Variants in MYBPC1 observed in about 807,000 individuals in gnomAD.
MYBPC1 encodes the protein myosin binding protein C1.
A neutral mutation model predicts 147.1 loss-of-function variants in MYBPC1; 52 were observed. That is an observed-to-expected ratio of 0.35 (90% CI 0.28 to 0.45). MYBPC1 has a LOEUF of 0.45. Among genes scored for constraint, MYBPC1 ranks in the 20% least tolerant of loss-of-function variants. The probability of loss-of-function intolerance (pLI) is 1.00; values close to 1 mark genes in which losing one functional copy is unlikely to be tolerated. For missense variants in MYBPC1, 1,228 were observed against 1,440.3 expected, an observed-to-expected ratio of 0.85 and a Z score of 2.39; for synonymous variants, 477 against 475.9, an observed-to-expected ratio of 1.00 and a Z score of -0.03.
chr12:101,608,039 T>C (rs1020430543), intron 1 of MYBPC1, among the ~76,000 whole-genome samples: 1 of 152,202 alleles, frequency 6.6e-6, no homozygotes, highest in African/African-American at 2.4e-5. Flanking sequence ...CCAGTGCCCG[T>C]CAATTAGAAT....
At chr12:101,599,960 T>C (rs1031010011) in intron 1 of MYBPC1, among the ~76,000 whole-genome samples, 1 of 152,224 alleles carries the variant, frequency 6.6e-6, no homozygotes, top group Non-Finnish European at 1.5e-5. Context: ...TTCAGTAGCC[T>C]GCTTTTATGA....
At chr12:101,639,754 G>C (rs1223366584) in intron 10 of MYBPC1, among the ~76,000 whole-genome samples, 1 of 152,076 alleles carries the variant, frequency 6.6e-6, no homozygotes, top group African/African-American at 2.4e-5. Flanking sequence ...TCAGTGACTT[G>C]TGCCTCTTGT....
chr12:101,636,338 C>T (rs143105362), intron 9 of MYBPC1, among the ~76,000 whole-genome samples: 2 of 152,296 alleles, frequency 1.3e-5, no homozygotes, highest in East Asian at 3.9e-4. Flanking sequence ...TCTACAGCCC[C>T]CAACTTGCAA....
downstream of MYBPC1, among the ~76,000 whole-genome samples, chr12:101,690,105 G>T (rs991594927): frequency 1.3e-5 from 2 of 152,148 alleles, no homozygotes; most frequent in African/African-American, 4.8e-5. Flanking sequence ...AACCCGGGAG[G>T]CGGAGTTTGC....
intron 23 of MYBPC1, 79 bp from the exon 24 acceptor site, chr12:101,670,242 A>G (rs1420550157): frequency 1.8e-5 from 20 of 1,090,330 alleles, no homozygotes; most frequent in Non-Finnish European, 2.6e-5. Flanking sequence ...GCTGGTGAGC[A>G]TCATGCCATT....
intron 1 of MYBPC1, among the ~76,000 whole-genome samples, chr12:101,595,446 T>A (rs1325544169): frequency 6.6e-6 from 1 of 152,184 alleles, no homozygotes; most frequent in East Asian, 1.9e-4. Context: ...AATCACAAAT[T>A]TTTTACCATG....
chr12:101,659,780 C>A lies in MYBPC1; in HGVS notation c.1876C>A (p.Leu626Met). ...TGACTCTGGTGTTTACCACATCAAT[C>A]TGAAAAACGAAGCTGGAGAGGCACA... ...RDDSGVYHIN[L>M]KNEAGEAHAS... Residue 626 changes from leucine to methionine, a missense_variant, in exon 19 of 32, where the codon CTG becomes ATG. Physicochemically the swap from Leu to Met is conservative, Grantham distance 15 (BLOSUM62 2). Transcript: ENST00000361466. The A allele has an allele frequency of 6.2e-7, 1 of 1,614,132 alleles. No individual in the cohort carries two copies. Among genetic ancestry groups the A allele is most frequent in the Non-Finnish European group, 8.5e-7 (1 of 1,179,998 alleles).
chr12:101,690,359 A>G (rs1345842468), downstream of MYBPC1, among the ~76,000 whole-genome samples: 1 of 152,176 alleles, frequency 6.6e-6, no homozygotes, highest in African/African-American at 2.4e-5. Flanking sequence ...GCTGTCCCAG[A>G]GGAAAAACAT....
At chr12:101,595,763 C>T (rs1876989629) in intron 1 of MYBPC1, among the ~76,000 whole-genome samples, 1 of 151,984 alleles carries the variant, frequency 6.6e-6, no homozygotes, top group Non-Finnish European at 1.5e-5. Context: ...ATGTAGTAGG[C>T]TTTAAGAATA....
intron 1 of MYBPC1, among the ~76,000 whole-genome samples, chr12:101,607,911 T>A (rs756682003): frequency 6.6e-6 from 1 of 152,196 alleles, no homozygotes; most frequent in Admixed American, 6.5e-5. Context: ...CCTTGATCAT[T>A]GAAAATAGAA....
chr12:101,637,960 C>A (rs1891326762), intron 10 of MYBPC1, among the ~76,000 whole-genome samples: 1 of 152,134 alleles, frequency 6.6e-6, no homozygotes, highest in Non-Finnish European at 1.5e-5. Context: ...ATATGAAGTG[C>A]CCTTAAGTGA....
At chr12:101,626,481 C>G (rs1226560760) in intron 3 of MYBPC1, among the ~76,000 whole-genome samples, 2 of 152,122 alleles carry the variant, frequency 1.3e-5, no homozygotes, top group Non-Finnish European at 2.9e-5. Flanking sequence ...TGTGTCCAAA[C>G]GAATGTGATA....
chr12:101,614,464 C>A, intron 1 of MYBPC1, 32 bp from the exon 2 acceptor site: 2 of 1,613,308 alleles, frequency 1.2e-6, no homozygotes, highest in Non-Finnish European at 1.7e-6. Flanking sequence ...GATAAATGAG[C>A]CTGACATTTC....
chr12:101,649,284 C>A lies in MYBPC1; in HGVS notation c.1221C>A (p.Ile407=), dbSNP rs753197476. The A allele has an allele frequency of 9.3e-6, 15 of 1,613,580 alleles. No individual in the cohort carries two copies. The highest frequency in any genetic ancestry group is 1.1e-5 in the Non-Finnish European group (13 of 1,179,652). ...GGTTTAAGAATGGTGAAGAGATTATCCCTGGTCCAAAATCAAGATACCGAA... is the reference window on the plus strand; with the variant it reads ...GGTTTAAGAATGGTGAAGAGATTATACCTGGTCCAAAATCAAGATACCGAA... ...VKWFKNGEEI[I]PGPKSRYRIR... is the part of the protein sequence containing the mutation. Residue 407 remains isoleucine (I), a synonymous_variant, in exon 15 of 32, where the codon ATC becomes ATA. Transcript: ENST00000361466.
chr12:101,693,000 G>A, the MYBPC1 span, among the ~76,000 whole-genome samples: 1 of 146,482 alleles, frequency 6.8e-6, no homozygotes, highest in East Asian at 2.1e-4. Flanking sequence ...AGGCTAGAGT[G>A]CAGTGGCGCG....
intron 12 of MYBPC1, 61 bp downstream of exon 12, chr12:101,644,857 G>T (rs1490930977): frequency 1.4e-6 from 2 of 1,478,572 alleles, no homozygotes; most frequent in South Asian, 1.2e-5. Flanking sequence ...ATAGTAGTTC[G>T]ACTGACTTTT....
rs992143178 is a variant in MYBPC1 at position 101,614,477 on chromosome 12, T to C, written c.26-19T>C. 6.2e-7 allele frequency: 1 copy of C among 1,613,716 alleles called. No individual in the cohort carries two copies. Among genetic ancestry groups the C allele is most frequent in the African/African-American group, 1.3e-5 (1 of 74,914 alleles). Reference sequence around the variant, plus strand: ...GTGATAAATGAGCCTGACATTTCCATGACTCTTTCCATTTCTAGAAAATGA... The same window carrying C: ...GTGATAAATGAGCCTGACATTTCCACGACTCTTTCCATTTCTAGAAAATGA... On this transcript the variant is annotated intron_variant, in intron 1 of 31. Transcript: ENST00000361466.
chr12:101,667,615 C>G, intron 22 of MYBPC1, 117 bp from the exon 23 acceptor site: 1 of 1,216,736 alleles, frequency 8.2e-7, no homozygotes, highest in Non-Finnish European at 1.2e-6. Context: ...CATAATGTCT[C>G]TAAATGATGT....
chr12:101,653,082 G>A, intron 17 of MYBPC1, 33 bp from the exon 18 acceptor site: 1 of 1,602,870 alleles, frequency 6.2e-7, no homozygotes, highest in Non-Finnish European at 8.5e-7. Context: ...AGAAATGACT[G>A]TCTGATAACA....
Sources: allele counts gnomAD v4.1 joint callset (sites outside exome capture counted in the v4.1 genomes callset), GRCh38; gene constraint gnomAD v4.1.1; transcripts MANE v1.5; gene names NCBI Gene and HGNC (gene_info 2026-07-23, HGNC 2026-07-21).